The following FAM117A variants were observed in gnomAD, a reference collection of about 807,000 sequenced individuals.
The protein encoded by FAM117A is family with sequence similarity 117 member A.
FAM117A carries 21 observed loss-of-function variants against 44.1 expected under a neutral mutation model. The ratio of observed to expected loss-of-function variants is 0.48; its 90% CI spans 0.34 to 0.69. The LOEUF (loss-of-function observed/expected upper bound fraction) is 0.69. Ranked by LOEUF, FAM117A falls within the 30% of genes least tolerant of loss-of-function variation. The pLI is 0.01. For missense variants in FAM117A, 498 were observed against 589.9 expected, an observed-to-expected ratio of 0.84 and a Z score of 1.61; for synonymous variants, 220 against 238.3, an observed-to-expected ratio of 0.92 and a Z score of 0.71.
chr17:49,764,997 G>A (rs1339821604), upstream of FAM117A, among the ~76,000 whole-genome samples: 1 of 152,158 alleles, frequency 6.6e-6, no homozygotes, highest in Non-Finnish European at 1.5e-5. Flanking sequence ...CCGCGACTCC[G>A]TTAACAAATC....
At position 49,711,070 on chromosome 17, in the gene FAM117A, C is replaced by A; in HGVS notation, c.*185G>T. 1 of 568,220 alleles carries A rather than the reference C, an allele frequency of 1.8e-6. No individual in the cohort carries two copies. Among genetic ancestry groups the A allele is most frequent in the Non-Finnish European group, 3.0e-6 (1 of 329,380 alleles). 35.2% of individuals were successfully genotyped at this position (568,220 alleles called of 1,614,324 possible). A position where few individuals can be genotyped will look rare whatever the true frequency, so the allele number is the denominator to read the frequency against. On this transcript the variant is annotated 3_prime_UTR_variant, in exon 8 of 8. Transcript: ENST00000240364. ...CAGCTACTAGTGGAGAAGGCAGGTC[C>A]CATCACGTTCAGAGGGGCCGGTGCC...
rs986832874 is a variant in FAM117A at position 49,728,818 on chromosome 17, G to A, written c.366+3733C>T. The stretch of plus-strand genomic sequence containing the variant: ...ACCAACTGACCTGGTCATCTCTCCC[G>A]TTGCTCAAAACATGCAGCATCTCCA... On this transcript the variant is annotated intron_variant, in intron 2 of 7. Coordinates refer to ENST00000240364, the MANE Select transcript of FAM117A (RefSeq NM_030802.4). Among the ~76,000 whole-genome samples the A allele has an allele frequency of 8.5e-5, 13 of 152,326 alleles. No individual in the cohort carries two copies. In the South Asian group the frequency reaches 1.4e-3, roughly 17 times the overall value.
At chr17:49,745,676 G>A (rs1185976686) in intron 1 of FAM117A, among the ~76,000 whole-genome samples, 1 of 152,184 alleles carries the variant, frequency 6.6e-6, no homozygotes, top group Non-Finnish European at 1.5e-5. Flanking sequence ...GGGGATAGAG[G>A]AGCAAGTTAG....
upstream of FAM117A, among the ~76,000 whole-genome samples, chr17:49,769,044 C>G (rs2143794293): frequency 6.6e-6 from 1 of 152,260 alleles, no homozygotes; most frequent in South Asian, 2.1e-4. Context: ...GCCTGTAATC[C>G]CAGCACTTTG....
Position 49,764,024 on chromosome 17 carries a change from C to T in FAM117A, c.64G>A (p.Gly22Arg). 8.3e-7 allele frequency: 1 copy of T among 1,202,362 alleles called. No homozygotes were observed. Among genetic ancestry groups the T allele is most frequent in the Non-Finnish European group, 1.0e-6 (1 of 964,150 alleles). 74.5% of individuals were successfully genotyped at this position (1,202,362 alleles called of 1,614,324 possible). Reference protein sequence around the residue: ...GAWGPGRGGAGGLRRGCSPPA... With the variant: ...GAWGPGRGGARGLRRGCSPPA... ...GGAGAGCAGCCCCGCCGGAGCCCCCCGGCCCCTCCGCGCCCCGGCCCCCAG... is the reference window on the plus strand; with the variant it reads ...GGAGAGCAGCCCCGCCGGAGCCCCCTGGCCCCTCCGCGCCCCGGCCCCCAG... Residue 22 changes from glycine (G) to arginine (R), a missense_variant, in exon 1 of 8, where the codon GGG becomes AGG. By Grantham distance (125) the Gly-to-Arg change is moderately radical. This residue lies in a region of FAM117A where 270 missense variants were observed against 277.4 expected (regional missense o/e 0.97). Coordinates refer to ENST00000240364, the MANE Select transcript of FAM117A (RefSeq NM_030802.4).
At chr17:49,787,427 G>A (rs909375144) in intron 1 of FAM117A, among the ~76,000 whole-genome samples, 4 of 152,200 alleles carry the variant, frequency 2.6e-5, no homozygotes, top group African/African-American at 7.2e-5. Flanking sequence ...GTCAACACTG[G>A]CCCAGGACAT....
intron 1 of FAM117A, among the ~76,000 whole-genome samples, chr17:49,751,344 G>T (rs1687571376): frequency 6.6e-6 from 1 of 151,088 alleles, no homozygotes; most frequent in South Asian, 2.1e-4. Flanking sequence ...ACTTTGGGAG[G>T]CCCAGGCAGG....
At chr17:49,726,049 T>C (rs1188206615) in intron 2 of FAM117A, among the ~76,000 whole-genome samples, 1 of 152,150 alleles carries the variant, frequency 6.6e-6, no homozygotes, top group Non-Finnish European at 1.5e-5. Flanking sequence ...CACCTTGATC[T>C]CAGCCCAGTG....
intron 1 of FAM117A, among the ~76,000 whole-genome samples, chr17:49,778,390 T>G (rs2073780725): frequency 6.6e-6 from 1 of 152,244 alleles, no homozygotes; most frequent in Non-Finnish European, 1.5e-5. Context: ...AAATGACCCT[T>G]AGTGTTGACT....
Position 49,782,031 on chromosome 17 carries a change from C to G in FAM117A, c.-621+6466G>C, listed in dbSNP as rs1452009873. On this transcript the variant is annotated intron_variant, in intron 1 of 7. Transcript: ENST00000513602. ...ATGAGTGTATCTATGTTAAAATATG[C>G]ACATAAAATGTATGCATGAGGAGAA... Among the ~76,000 whole-genome samples, 4 of 151,500 alleles carry G rather than the reference C, an allele frequency of 2.6e-5. No individual in the cohort carries two copies. In the East Asian group the frequency reaches 7.7e-4, roughly 29 times the overall value.
At chr17:49,736,256 CTT>C (rs1264789675) in intron 1 of FAM117A, among the ~76,000 whole-genome samples, 6 of 150,734 alleles carry the variant, frequency 4.0e-5, no homozygotes, top group South Asian at 2.1e-4. Flanking sequence ...CAAAGGCTCT[CTT>C]TCTTTTTTTT....
At position 49,719,771 on chromosome 17, in the gene FAM117A, C is replaced by A. The variant is rs769099323; in HGVS notation, c.697G>T (p.Glu233Ter). Residue 233 changes from glutamate (E) to a stop codon, truncating the protein, a stop_gained, in exon 5 of 8, where the codon GAG becomes TAG. Transcript: ENST00000240364. LOFTEE classifies it high-confidence loss of function. ...CAGCCGCCACTCACCCTCAGCAGCT[C>A]CTCTTCTCCCTGCTCCTTCACAAAT... Reference protein sequence around the residue: ...EVFVKEQGEEELLRILDIPDG... With the variant: ...EVFVKEQGEE 1 of 1,586,832 alleles carries A rather than the reference C, an allele frequency of 6.3e-7. No homozygotes were observed. The highest frequency in any genetic ancestry group is 8.6e-7 in the Non-Finnish European group (1 of 1,168,934).
At chr17:49,712,503 G>C (rs8064701) in intron 7 of FAM117A, among the ~76,000 whole-genome samples, 134,695 of 152,192 alleles carry the variant, frequency 0.89, 59,665 homozygotes, top group South Asian at 0.94. Context: ...GTATGGGGTT[G>C]TTTATTGTTG....
At chr17:49,776,449 C>G (rs2073775794) in intron 1 of FAM117A, among the ~76,000 whole-genome samples, 1 of 152,214 alleles carries the variant, frequency 6.6e-6, no homozygotes, top group Non-Finnish European at 1.5e-5. Context: ...CTGTCACCTT[C>G]CACAGCCCTA....
At chr17:49,733,632 C>A (rs535166114) in intron 1 of FAM117A, among the ~76,000 whole-genome samples, 2 of 152,138 alleles carry the variant, frequency 1.3e-5, no homozygotes, top group African/African-American at 4.8e-5. Flanking sequence ...AAGATCGCAC[C>A]ACTGCACTCC....
chr17:49,762,327 G>A (rs2073725364), intron 1 of FAM117A, among the ~76,000 whole-genome samples: 1 of 152,210 alleles, frequency 6.6e-6, no homozygotes, highest in Non-Finnish European at 1.5e-5. Flanking sequence ...CAGGTTTGTA[G>A]TCTTGTGGTT....
chr17:49,739,676 T>C (rs1284898635), intron 1 of FAM117A, among the ~76,000 whole-genome samples: 1 of 152,150 alleles, frequency 6.6e-6, no homozygotes, highest in Non-Finnish European at 1.5e-5. Context: ...CTGGTTTCAT[T>C]TCTGGAAAGT....
At chr17:49,716,354 G>T in intron 6 of FAM117A, 39 bp from the exon 7 acceptor site, 2 of 1,487,882 alleles carry the variant, frequency 1.3e-6, no homozygotes, top group South Asian at 1.4e-5. Context: ...GGAGATGAAG[G>T]GAAGGCCTCC....
intron 1 of FAM117A, among the ~76,000 whole-genome samples, chr17:49,763,123 T>TACACGCAC (rs1555598374): frequency 7.1e-6 from 1 of 141,068 alleles, no homozygotes; most frequent in Non-Finnish European, 1.5e-5. Context: ...TCCCCCCCGC[T>TACACGCAC]ACACACACAC....
Sources: gnomAD v4.1 joint callset for allele counts (sites outside exome capture counted in the v4.1 genomes callset) on GRCh38, gnomAD v4.1.1 for gene constraint, gnomAD v4.1.1 regional missense constraint, MANE v1.5 for transcripts, NCBI Gene and HGNC (gene_info 2026-07-23, HGNC 2026-07-21) for gene names.